Variants in CHRM3 observed in about 807,000 individuals in gnomAD.
CHRM3 encodes the protein cholinergic receptor muscarinic 3.
Under a neutral mutation model 41.8 loss-of-function variants are expected in CHRM3, and 11 were observed. The ratio of observed to expected loss-of-function variants is 0.26; its 90% confidence interval spans 0.17 to 0.44. CHRM3 has a LOEUF of 0.44. CHRM3 is among the 20% of genes least tolerant of loss of function. The pLI is 1.00. For synonymous variants in CHRM3, 297 were observed against 301.4 expected, an observed-to-expected ratio of 0.99 and a Z score of 0.15; for missense variants, 571 against 745.4, an observed-to-expected ratio of 0.77 and a Z score of 2.72.
chr1:239,810,953 C>T (rs1450979653), intron 5 of CHRM3, among the ~76,000 whole-genome samples: 1 of 152,216 alleles, frequency 6.6e-6, no homozygotes, highest in African/African-American at 2.4e-5. Flanking sequence ...CCAAAGAAAT[C>T]CTTGGAATCG....
At chr1:239,828,076 G>A (rs565829583) in intron 6 of CHRM3, among the ~76,000 whole-genome samples, 1 of 152,250 alleles carries the variant, frequency 6.6e-6, no homozygotes, top group Admixed American at 6.5e-5. Context: ...CAATGGTGAA[G>A]TAAACACAGC....
intron 1 of CHRM3, among the ~76,000 whole-genome samples, chr1:239,418,713 T>C (rs1661698981): frequency 6.6e-6 from 1 of 152,232 alleles, no homozygotes; most frequent in Non-Finnish European, 1.5e-5. Flanking sequence ...GCATTCTCTT[T>C]GCCCTCAAAG....
chr1:239,710,314 G>T (rs1661644231), intron 5 of CHRM3, among the ~76,000 whole-genome samples: 1 of 151,974 alleles, frequency 6.6e-6, no homozygotes, highest in Non-Finnish European at 1.5e-5. Flanking sequence ...TCCATATTGT[G>T]GAAGATCAAT....
intron 3 of CHRM3, chr1:239,606,326 A>AC (rs1666267437): frequency 6.6e-6 from 1 of 151,644 alleles, no homozygotes; most frequent in Non-Finnish European, 1.5e-5. Flanking sequence ...CCCAGGCTGG[A>AC]GTGCAGTGGC....
chr1:239,450,225 G>A (rs1664465965), intron 1 of CHRM3, among the ~76,000 whole-genome samples: 1 of 152,080 alleles, frequency 6.6e-6, no homozygotes, highest in Admixed American at 6.5e-5. Flanking sequence ...TGAAACTTAA[G>A]TACCTTGTGG....
At chr1:239,747,065 A>G (rs942421882) in intron 5 of CHRM3, among the ~76,000 whole-genome samples, 13 of 152,114 alleles carry the variant, frequency 8.5e-5, no homozygotes, top group Admixed American at 3.9e-4. Context: ...CTGTTACTCT[A>G]TTTCAATCCA....
chr1:239,743,317 G>A lies in CHRM3; in HGVS notation c.-147+65029G>A, dbSNP rs541883858. On this transcript the variant is annotated intron_variant, in intron 5 of 6. Transcript: ENST00000676153. ...GTTGGTCTTCTCCATTGTCTAATAT[G>A]TACTCTCTCAGACAAGGGACATGTC... 1.1e-3 allele frequency among the ~76,000 whole-genome samples: 165 copies of A among 152,224 alleles called. 1 individual carries two copies. In the South Asian group the frequency reaches 0.013, roughly 12 times the overall value.
chr1:239,708,736 C>CTTTTTTTTTTTTTTT lies in CHRM3; in HGVS notation c.-147+30461_-147+30475dup, dbSNP rs869143310. On this transcript the variant is annotated intron_variant, in intron 5 of 6. Transcript: ENST00000676153. ...CTTTGTTTCTTCTGGTTTAAATTTTCTTTTTTTTTTTTTTTTTTTTTTTTT... is the reference window on the plus strand; with the variant it reads ...CTTTGTTTCTTCTGGTTTAAATTTTCTTTTTTTTTTTTTTTTTTTTTTTTTTTTTTTTTTTTTTTT... Among the ~76,000 whole-genome samples the CTTTTTTTTTTTTTTT allele has an allele frequency of 3.5e-4, 17 of 48,296 alleles. 3 individuals carry two copies. The highest frequency in any genetic ancestry group is 5.3e-4 in the Non-Finnish European group (15 of 28,518). The allele number at this position is 48,296 out of a possible 152,430, so 31.7% of individuals were successfully genotyped here.
chr1:239,431,510 A>C (rs2103174325), intron 1 of CHRM3, among the ~76,000 whole-genome samples: 1 of 152,346 alleles, frequency 6.6e-6, no homozygotes, highest in African/African-American at 2.4e-5. Context: ...TGTGGACTTA[A>C]GTTGGAACAA....
intron 6 of CHRM3, among the ~76,000 whole-genome samples, chr1:239,846,596 T>G (rs61831568): frequency 0.072 from 11,010 of 152,258 alleles, 431 homozygotes; most frequent in Non-Finnish European, 0.094. Flanking sequence ...TGGTAAATGC[T>G]AATTCAGAGG....
intron 6 of CHRM3, among the ~76,000 whole-genome samples, chr1:239,853,401 C>A (rs866619373): frequency 6.6e-6 from 1 of 151,452 alleles, no homozygotes; most frequent in Non-Finnish European, 1.5e-5. Context: ...TTTTTCTTTT[C>A]TTTTTTTCAA....
chr1:239,696,585 C>T (rs914299002), intron 5 of CHRM3, among the ~76,000 whole-genome samples: 3 of 152,076 alleles, frequency 2.0e-5, no homozygotes, highest in African/African-American at 7.2e-5. Context: ...ATGGAAAGCA[C>T]CTACAGATGA....
chr1:239,691,873 G>A (rs556034661), intron 5 of CHRM3, among the ~76,000 whole-genome samples: 7 of 152,108 alleles, frequency 4.6e-5, no homozygotes, highest in Non-Finnish European at 8.8e-5. Flanking sequence ...CCCCCCTAAA[G>A]ACTAAATGTC....
chr1:239,492,179 A>G (rs1481963205), intron 1 of CHRM3, among the ~76,000 whole-genome samples: 1 of 152,102 alleles, frequency 6.6e-6, no homozygotes, highest in Admixed American at 6.6e-5. Context: ...ATCCAGCAAT[A>G]TTGCTCTTTA....
intron 5 of CHRM3, among the ~76,000 whole-genome samples, chr1:239,682,905 A>T (rs1658708904): frequency 6.6e-6 from 1 of 152,126 alleles, no homozygotes. Flanking sequence ...GTAAAGTGTG[A>T]TGTTTGGATA....
chr1:239,570,585 A>G (rs1397153244), intron 3 of CHRM3, among the ~76,000 whole-genome samples: 1 of 152,170 alleles, frequency 6.6e-6, no homozygotes, highest in East Asian at 1.9e-4. Context: ...GTGTACTCAA[A>G]TCTATACTAA....
Position 239,529,369 on chromosome 1 carries a change from G to A in CHRM3, c.-421-16272G>A, listed in dbSNP as rs542490416. On this transcript the variant is annotated intron_variant, in intron 2 of 6. Coordinates refer to ENST00000676153, the MANE Select transcript of CHRM3 (RefSeq NM_001375978.1). ...CTCACGCCTGTAATCCCAGCACTTT[G>A]GGAGGCTGAGGCAAGGCAGACCACT... Among the ~76,000 whole-genome samples the A allele has an allele frequency of 5.3e-5, 8 of 152,188 alleles. No homozygotes were observed. In the East Asian group the frequency reaches 1.5e-3, roughly 29 times the overall value.
chr1:239,815,142 C>T (rs1419796196), intron 5 of CHRM3, among the ~76,000 whole-genome samples: 1 of 152,094 alleles, frequency 6.6e-6, no homozygotes, highest in Non-Finnish European at 1.5e-5. Context: ...TGCAGTTTAG[C>T]ACTGTGTCAT....
chr1:239,825,275 C>T (rs1029682155), intron 5 of CHRM3, among the ~76,000 whole-genome samples: 1 of 151,188 alleles, frequency 6.6e-6, no homozygotes, highest in Non-Finnish European at 1.5e-5. Flanking sequence ...CTAAAGAACA[C>T]CCCATGCCTG....
Sources: allele counts gnomAD v4.1 joint callset (sites outside exome capture counted in the v4.1 genomes callset), GRCh38; gene constraint gnomAD v4.1.1; transcripts MANE v1.5; gene names NCBI Gene and HGNC (gene_info 2026-07-23, HGNC 2026-07-21).